CTNNA3: variants seen among roughly 807,000 people sequenced by gnomAD.
CTNNA3 encodes the protein catenin alpha-3.
In CTNNA3, 76 loss-of-function variants were observed where a neutral mutation model predicts 95.7. That is an observed-to-expected ratio of 0.79 (90% confidence interval 0.66 to 0.96). The LOEUF is 0.96. Among genes scored for constraint, CTNNA3 ranks in the 40% least tolerant of loss-of-function variants. The pLI is 0.00. For synonymous variants in CTNNA3, 431 were observed against 374.4 expected, an observed-to-expected ratio of 1.15 and a Z score of -1.74; for missense variants, 1,191 against 1,089.8, an observed-to-expected ratio of 1.09 and a Z score of -1.31.
At chr10:66,703,820 A>G (rs1321094019) in intron 9 of CTNNA3, among the ~76,000 whole-genome samples, 2 of 152,182 alleles carry the variant, frequency 1.3e-5, no homozygotes, top group African/African-American at 4.8e-5. Context: ...CAAAACAGTG[A>G]TGTTTCATTA....
chr10:66,736,836 T>C (rs2132683602), intron 9 of CTNNA3, among the ~76,000 whole-genome samples: 1 of 152,306 alleles, frequency 6.6e-6, no homozygotes, highest in African/African-American at 2.4e-5. Flanking sequence ...TTTAGGTTGC[T>C]TATATGGCTT....
At chr10:66,835,338 T>C (rs1381869818) in intron 7 of CTNNA3, among the ~76,000 whole-genome samples, 1 of 152,164 alleles carries the variant, frequency 6.6e-6, no homozygotes, top group Non-Finnish European at 1.5e-5. Context: ...AGCAGCATGA[T>C]CATCACCTGG....
intron 17 of CTNNA3, among the ~76,000 whole-genome samples, chr10:65,925,987 GATAT>G (rs1223212738): frequency 2.0e-5 from 3 of 150,364 alleles, no homozygotes; most frequent in Non-Finnish European, 4.4e-5. Flanking sequence ...TATGTGATAG[GATAT>G]ATAATCAGAC....
chr10:66,604,908 T>C (rs1844063202), intron 10 of CTNNA3, among the ~76,000 whole-genome samples: 1 of 151,888 alleles, frequency 6.6e-6, no homozygotes, highest in African/African-American at 2.4e-5. Flanking sequence ...GTGCCTTTTG[T>C]CCTAAAAATG....
At chr10:66,489,566 A>C (rs1839849365) in intron 11 of CTNNA3, among the ~76,000 whole-genome samples, 1 of 152,108 alleles carries the variant, frequency 6.6e-6, no homozygotes. Context: ...ACACTTGCGC[A>C]TGCACACACA....
Position 67,740,239 on chromosome 10 carries a change from T to C in CTNNA3, c.-2+23195A>G, listed in dbSNP as rs1459937670. Among the ~76,000 whole-genome samples, 3 of 152,146 alleles carry C rather than the reference T, an allele frequency of 2.0e-5. No individual in the cohort carries two copies. The East Asian group carries it at 5.8e-4, about 29-fold the overall frequency. ...AACCTAGGCATTACCATTCAGGACATAGGCATGGGCAAAGACTTCATGTCT... is the reference window on the plus strand; with the variant it reads ...AACCTAGGCATTACCATTCAGGACACAGGCATGGGCAAAGACTTCATGTCT... On this transcript the variant is annotated intron_variant, in intron 1 of 17. Coordinates refer to the CTNNA3 transcript ENST00000684154.
chr10:66,089,223 T>C (rs1402538944), intron 14 of CTNNA3, among the ~76,000 whole-genome samples: 1 of 151,894 alleles, frequency 6.6e-6, no homozygotes, highest in Non-Finnish European at 1.5e-5. Context: ...TGTTGTTGTT[T>C]ATGTTGCTGG....
chr10:67,693,233 A>T (rs1483407071), intron 1 of CTNNA3, among the ~76,000 whole-genome samples: 2 of 152,234 alleles, frequency 1.3e-5, no homozygotes, highest in Non-Finnish European at 2.9e-5. Flanking sequence ...TTCACCTTCA[A>T]AAATTCTGCA....
At chr10:67,365,327 T>C (rs1335100811) in intron 5 of CTNNA3, among the ~76,000 whole-genome samples, 1 of 152,160 alleles carries the variant, frequency 6.6e-6, no homozygotes, top group Non-Finnish European at 1.5e-5. Context: ...AAAGCCTTCA[T>C]GACTAAAACA....
At chr10:66,070,028 T>G (rs2080402222) in intron 14 of CTNNA3, among the ~76,000 whole-genome samples, 1 of 152,178 alleles carries the variant, frequency 6.6e-6, no homozygotes, top group Non-Finnish European at 1.5e-5. Context: ...TGACACATAT[T>G]GAATGTTCCA....
intron 13 of CTNNA3, among the ~76,000 whole-genome samples, chr10:66,241,303 C>A (rs1358404444): frequency 6.6e-6 from 1 of 152,086 alleles, no homozygotes; most frequent in East Asian, 1.9e-4. Flanking sequence ...GAATGATACA[C>A]AGTATGTTTC....
intron 5 of CTNNA3, among the ~76,000 whole-genome samples, chr10:67,410,924 T>C (rs1845342622): frequency 1.3e-5 from 2 of 152,160 alleles, no homozygotes; most frequent in Non-Finnish European, 2.9e-5. Flanking sequence ...CTGGAGAACA[T>C]TATGTTACAT....
chr10:65,994,472 A>T (rs1012094292), intron 15 of CTNNA3, among the ~76,000 whole-genome samples: 18 of 150,476 alleles, frequency 1.2e-4, no homozygotes, highest in African/African-American at 4.4e-4. Context: ...TGAATGTATC[A>T]TCTCATTCTC....
chr10:67,656,542 G>A (rs375003464), intron 1 of CTNNA3, among the ~76,000 whole-genome samples: 5 of 152,044 alleles, frequency 3.3e-5, no homozygotes, highest in African/African-American at 4.8e-5. Flanking sequence ...AAATGATTTC[G>A]TATATTAGAA....
chr10:66,616,002 G>A (rs1844497400), intron 10 of CTNNA3, among the ~76,000 whole-genome samples: 1 of 151,874 alleles, frequency 6.6e-6, no homozygotes, highest in African/African-American at 2.4e-5. Flanking sequence ...ATTCTTCCAA[G>A]TCACTTGTTA....
chr10:67,748,357 A>C (rs1236437597), intron 1 of CTNNA3, among the ~76,000 whole-genome samples: 1 of 152,182 alleles, frequency 6.6e-6, no homozygotes, highest in Non-Finnish European at 1.5e-5. Flanking sequence ...CCAGAGAAAA[A>C]GGCCAGGTCA....
At chr10:66,293,853 G>C (rs1342230000) in intron 12 of CTNNA3, among the ~76,000 whole-genome samples, 1 of 151,856 alleles carries the variant, frequency 6.6e-6, no homozygotes, top group Non-Finnish European at 1.5e-5. Context: ...TTTTAGTAGA[G>C]ACGGGGTTTC....
chr10:67,140,449 G>A (rs1370538673), intron 7 of CTNNA3, among the ~76,000 whole-genome samples: 1 of 152,022 alleles, frequency 6.6e-6, no homozygotes, highest in African/African-American at 2.4e-5. Flanking sequence ...CATATAACTG[G>A]TTTATAAATT....
chr10:66,538,443 G>A (rs1841734150), intron 10 of CTNNA3, among the ~76,000 whole-genome samples: 1 of 152,052 alleles, frequency 6.6e-6, no homozygotes, highest in Admixed American at 6.6e-5. Flanking sequence ...TATATTTAGT[G>A]ACTTTGGATC....
Sources: gnomAD v4.1 joint callset for allele counts (sites outside exome capture counted in the v4.1 genomes callset) on GRCh38, gnomAD v4.1.1 for gene constraint, MANE v1.5 for transcripts, NCBI Gene and HGNC (gene_info 2026-07-23, HGNC 2026-07-21) for gene names.